The following RBFOX1 variants were observed in gnomAD, a reference collection of about 807,000 sequenced individuals.
The protein encoded by RBFOX1 is RNA binding protein fox-1 homolog 1.
A neutral mutation model predicts 57.7 loss-of-function variants in RBFOX1; 8 were observed. That is an observed-to-expected ratio of 0.14 (90% CI 0.08 to 0.25). The LOEUF is 0.25. Ranked by LOEUF, RBFOX1 falls within the 10% of genes least tolerant of loss-of-function variation. The probability of loss-of-function intolerance (pLI) is 1.00; values close to 1 mark genes in which losing one functional copy is unlikely to be tolerated. For missense variants in RBFOX1, 611 were observed against 548.5 expected (o/e 1.11, Z -1.14); for synonymous variants, 326 against 222.4 (o/e 1.47, Z -4.15).
chr16:6,532,244 G>T (rs1326001959), intron 2 of RBFOX1, among the ~76,000 whole-genome samples: 1 of 152,118 alleles, frequency 6.6e-6, no homozygotes, highest in East Asian at 1.9e-4. Context: ...TCTTACAAAG[G>T]CTGCATAAAA....
At chr16:5,796,580 GA>G (rs2054887067) in intron 3 of RBFOX1, among the ~76,000 whole-genome samples, 1 of 152,078 alleles carries the variant, frequency 6.6e-6, no homozygotes, top group South Asian at 2.1e-4. Flanking sequence ...TGATGATGAT[GA>G]TGGTGACAGC....
chr16:5,370,767 A>G (rs1362612288), intron 1 of RBFOX1, among the ~76,000 whole-genome samples: 1 of 151,978 alleles, frequency 6.6e-6, no homozygotes, highest in African/African-American at 2.4e-5. Context: ...TGCTGGGATT[A>G]TGGCTGTGAG....
chr16:5,612,562 C>T (rs141724527), intron 3 of RBFOX1, among the ~76,000 whole-genome samples: 7 of 152,308 alleles, frequency 4.6e-5, no homozygotes, highest in Admixed American at 6.5e-5. Context: ...ATAATAAAAC[C>T]GGGCATACAT....
At chr16:5,507,314 T>G (rs1405883284) in intron 2 of RBFOX1, among the ~76,000 whole-genome samples, 1 of 152,120 alleles carries the variant, frequency 6.6e-6, no homozygotes, top group Non-Finnish European at 1.5e-5. Flanking sequence ...GTTGATTTTC[T>G]CTCACTGCTC....
At chr16:6,916,622 C>A (rs1338106397) in intron 3 of RBFOX1, among the ~76,000 whole-genome samples, 1 of 152,066 alleles carries the variant, frequency 6.6e-6, no homozygotes, top group Admixed American at 6.6e-5. Flanking sequence ...CGCTATTGGC[C>A]GTTCTGGCTT....
At chr16:5,276,361 C>T (rs1419487137) in intron 1 of RBFOX1, among the ~76,000 whole-genome samples, 2 of 152,006 alleles carry the variant, frequency 1.3e-5, no homozygotes, top group African/African-American at 4.8e-5. Flanking sequence ...AAAAGTGTGC[C>T]AAGGACATGA....
At chr16:5,730,546 A>G (rs901854091) in intron 3 of RBFOX1, among the ~76,000 whole-genome samples, 9 of 152,114 alleles carry the variant, frequency 5.9e-5, no homozygotes, top group Non-Finnish European at 8.8e-5. Context: ...TAATACTAAT[A>G]ATCATCACCA....
chr16:6,142,535 C>G (rs977526946), intron 1 of RBFOX1, among the ~76,000 whole-genome samples: 2 of 152,062 alleles, frequency 1.3e-5, no homozygotes, highest in Non-Finnish European at 2.9e-5. Flanking sequence ...AAATCCAACT[C>G]TTTAGAAAAA....
chr16:6,318,965 A>G (rs1377352997), intron 2 of RBFOX1, among the ~76,000 whole-genome samples: 1 of 151,834 alleles, frequency 6.6e-6, no homozygotes, highest in Non-Finnish European at 1.5e-5. Context: ...CCCTTCAGAG[A>G]CCAAGCAGTC....
chr16:7,688,221 A>ATGTGTGTGTGTGTGTGTGTGTG (rs3029191), intron 14 of RBFOX1, among the ~76,000 whole-genome samples: 1 of 120,942 alleles, frequency 8.3e-6, no homozygotes, highest in Admixed American at 8.6e-5. Context: ...GCAGGTTTAA[A>ATGTGTGTGTGTGTGTGTGTGTG]TGTGTGTGTG....
intron 3 of RBFOX1, among the ~76,000 whole-genome samples, chr16:5,668,511 G>C (rs1328848685): frequency 6.6e-6 from 1 of 152,320 alleles, no homozygotes. Context: ...GTACTTAATA[G>C]AGCAATCTGT....
intron 1 of RBFOX1, among the ~76,000 whole-genome samples, chr16:5,400,286 T>C (rs1008011226): frequency 5.9e-5 from 9 of 151,456 alleles, no homozygotes; most frequent in Admixed American, 1.3e-4. Flanking sequence ...AGAGATGGGA[T>C]TTCAGCATGT....
chr16:7,665,456 C>T (rs913976092), intron 13 of RBFOX1, among the ~76,000 whole-genome samples: 3 of 152,168 alleles, frequency 2.0e-5, no homozygotes, highest in African/African-American at 7.2e-5. Flanking sequence ...TAGCCCTAAA[C>T]ATCTCCTGAT....
intron 4 of RBFOX1, among the ~76,000 whole-genome samples, chr16:7,133,998 C>G (rs1253460644): frequency 6.6e-6 from 1 of 152,142 alleles, no homozygotes; most frequent in Non-Finnish European, 1.5e-5. Context: ...AATTCTAAGC[C>G]TTGCAATATT....
intron 3 of RBFOX1, among the ~76,000 whole-genome samples, chr16:6,971,699 A>C (rs2153570016): frequency 6.6e-6 from 1 of 152,228 alleles, no homozygotes; most frequent in South Asian, 2.1e-4. Context: ...TGTTGGGGTT[A>C]GGGTGTTGTT....
chr16:6,494,711 A>T (rs542326199), intron 2 of RBFOX1, among the ~76,000 whole-genome samples: 1 of 152,128 alleles, frequency 6.6e-6, no homozygotes, highest in Non-Finnish European at 1.5e-5. Flanking sequence ...GGCCTTGGAG[A>T]TCTTTGATTT....
At chr16:6,498,162 G>A (rs1036238050) in intron 2 of RBFOX1, among the ~76,000 whole-genome samples, 1 of 150,118 alleles carries the variant, frequency 6.7e-6, no homozygotes, top group Non-Finnish European at 1.5e-5. Context: ...TGAGGCACGA[G>A]AATCACTACT....
intron 3 of RBFOX1, among the ~76,000 whole-genome samples, chr16:5,691,353 G>A (rs9926632): frequency 0.033 from 4,968 of 152,274 alleles, 269 homozygotes; most frequent in African/African-American, 0.11. Flanking sequence ...GATGCAAGAT[G>A]TACTGGAGTG....
At chr16:7,000,815 G>A (rs978327637) in intron 3 of RBFOX1, among the ~76,000 whole-genome samples, 1 of 151,794 alleles carries the variant, frequency 6.6e-6, no homozygotes, top group Non-Finnish European at 1.5e-5. Context: ...TGTTAGCCAG[G>A]ATGCTCTCGA....
Sources: allele counts gnomAD v4.1 joint callset (sites outside exome capture counted in the v4.1 genomes callset), GRCh38; gene constraint gnomAD v4.1.1; transcripts MANE v1.5; gene names NCBI Gene and HGNC (gene_info 2026-07-23, HGNC 2026-07-21).